ZPBP: variants seen among roughly 807,000 people sequenced by gnomAD.
ZPBP encodes zona pellucida binding protein, also known as zona pellucida-binding protein 1.
ZPBP carries 26 observed loss-of-function variants against 44.8 expected under a neutral mutation model. The observed-to-expected ratio is 0.58, with a 90% CI of 0.43 to 0.81. ZPBP has a LOEUF of 0.81. ZPBP is among the 30% of genes least tolerant of loss of function. The pLI is 0.00. For synonymous variants in ZPBP, 174 were observed against 153.2 expected (o/e 1.14, Z -1.00); for missense variants, 409 against 434.0 (o/e 0.94, Z 0.51).
At position 49,900,911 on chromosome 7, in the gene ZPBP, T is replaced by C. The variant is rs151120573; in HGVS notation, n.509+207A>G. On this transcript the variant is annotated intron_variant and non_coding_transcript_variant, in intron 2 of 2. Coordinates refer to the ZPBP transcript ENST00000465922. ...AACCATGTGTAAGAATAATTATACA[T>C]CACAACTACATGGGATTTATCCCAG... Among the ~76,000 whole-genome samples the C allele has an allele frequency of 1.7e-3, 265 of 151,938 alleles. 3 individuals carry two copies. The highest frequency in any genetic ancestry group is 6.0e-3 in the African/African-American group (249 of 41,534).
chr7:49,896,064 G>A (rs577394700), intron 2 of ZPBP, among the ~76,000 whole-genome samples: 8 of 152,274 alleles, frequency 5.3e-5, no homozygotes, highest in East Asian at 3.9e-4. Flanking sequence ...GTACAGGTCC[G>A]GTGTGGTGGC....
chr7:49,981,581 T>C (rs1396807536), intron 7 of ZPBP, among the ~76,000 whole-genome samples: 3 of 66,294 alleles, frequency 4.5e-5, no homozygotes, highest in African/African-American at 5.6e-5. Flanking sequence ...TTATATAAAT[T>C]ATATATTATA....
chr7:49,917,425 C>T (rs1793782592), intron 1 of ZPBP: 1 of 152,170 alleles, frequency 6.6e-6, no homozygotes. Context: ...TGAAAATGTG[C>T]TCTCAGTGCT....
intron 2 of ZPBP, among the ~76,000 whole-genome samples, chr7:49,898,220 TAC>T (rs750250671): frequency 4.4e-4 from 67 of 152,092 alleles, no homozygotes; most frequent in African/African-American, 5.8e-4. Flanking sequence ...TATATGTATA[TAC>T]ACACACACAA....
intron 1 of ZPBP, chr7:49,921,430 G>A (rs1424344921): frequency 6.6e-6 from 1 of 152,142 alleles, no homozygotes; most frequent in Non-Finnish European, 1.5e-5. Flanking sequence ...TTGCTTTAAT[G>A]TAACTTGGCA....
rs1211529626 is a variant in ZPBP, at chr7:49,940,732, TC to T, written c.962-3111del. 5 of 984,698 alleles carry T rather than the reference TC, an allele frequency of 5.1e-6. No homozygotes were observed. In the African/African-American group the frequency reaches 8.8e-5, roughly 17 times the overall value. The allele number at this position is 984,698 out of a possible 1,614,324, so 61.0% of individuals were successfully genotyped here. A position where few individuals can be genotyped will look rare whatever the true frequency, so the allele number is the denominator to read the frequency against. Reference sequence around the variant, plus strand: ...TTTACTCACCACTGTCCCACCTCCTTCCCCATGCAGCTCTGGAAGATTCCAT... The same window carrying T: ...TTTACTCACCACTGTCCCACCTCCTTCCCATGCAGCTCTGGAAGATTCCAT... On this transcript the variant is annotated intron_variant, in intron 7 of 7. Coordinates refer to ENST00000046087, the MANE Select transcript of ZPBP (RefSeq NM_007009.3).
intron 7 of ZPBP, among the ~76,000 whole-genome samples, chr7:49,958,318 TATGTGAGAAAAAC>T (rs1795699646): frequency 6.6e-6 from 1 of 152,204 alleles, no homozygotes; most frequent in Non-Finnish European, 1.5e-5. Flanking sequence ...CTGTATGTTA[TATGTGAGAAAAAC>T]ATGAATTTTT....
chr7:49,960,615 T>C (rs1353454179), intron 7 of ZPBP, among the ~76,000 whole-genome samples: 4 of 152,154 alleles, frequency 2.6e-5, no homozygotes. Flanking sequence ...AAAGGACTTT[T>C]GTCCATACTA....
chr7:49,988,917 A>G (rs1797439223), intron 6 of ZPBP, among the ~76,000 whole-genome samples: 1 of 152,212 alleles, frequency 6.6e-6, no homozygotes, highest in Admixed American at 6.5e-5. Flanking sequence ...TGTTTTTCAG[A>G]GTCAAGGAAG....
At chr7:50,077,991 C>T (rs1802182605) in intron 3 of ZPBP, among the ~76,000 whole-genome samples, 1 of 151,674 alleles carries the variant, frequency 6.6e-6, no homozygotes, top group African/African-American at 2.4e-5. Flanking sequence ...AAGCAAACTA[C>T]ATGTCCATCA....
intron 6 of ZPBP, among the ~76,000 whole-genome samples, chr7:50,012,940 G>C (rs1323301348): frequency 1.3e-5 from 2 of 151,766 alleles, no homozygotes; most frequent in Non-Finnish European, 2.9e-5. Context: ...ATTTAGCAAG[G>C]TGGCATGATA....
chr7:49,916,424 GTT>G (rs953957643), intron 1 of ZPBP: 6 of 152,178 alleles, frequency 3.9e-5, no homozygotes, highest in Non-Finnish European at 8.8e-5. Flanking sequence ...TCAATGTCCA[GTT>G]CAAGTGCCAT....
At chr7:50,007,821 C>T (rs62447760) in intron 6 of ZPBP, among the ~76,000 whole-genome samples, 28,273 of 151,794 alleles carry the variant, frequency 0.19, 3,683 homozygotes, top group East Asian at 0.62. Context: ...AATTAATGCA[C>T]TTTCATAATA....
intron 2 of ZPBP, among the ~76,000 whole-genome samples, chr7:49,850,887 C>A (rs151213132): frequency 1.3e-5 from 2 of 152,314 alleles, no homozygotes; most frequent in East Asian, 3.9e-4. Context: ...AGGATGACTC[C>A]CTGTGGAGAA....
At chr7:49,981,683 A>ATATTAT (rs1431669487) in intron 7 of ZPBP, among the ~76,000 whole-genome samples, 7,818 of 40,992 alleles carry the variant, frequency 0.19, 2,291 homozygotes, top group East Asian at 0.47. Flanking sequence ...TATTATATAT[A>ATATTAT]ATAATATATA....
chr7:49,872,473 G>GA (rs1445983809), intron 2 of ZPBP, among the ~76,000 whole-genome samples: 3 of 151,550 alleles, frequency 2.0e-5, no homozygotes, highest in Admixed American at 1.3e-4. Flanking sequence ...TAAGTGTAGG[G>GA]AAAAAAAGTA....
intron 6 of ZPBP, among the ~76,000 whole-genome samples, chr7:49,997,626 G>C (rs1797906923): frequency 6.6e-6 from 1 of 152,108 alleles, no homozygotes; most frequent in African/African-American, 2.4e-5. Context: ...CTGCTTCGGG[G>C]GAAGCCATTA....
At chr7:49,981,499 T>G (rs1183266308) in intron 7 of ZPBP, among the ~76,000 whole-genome samples, 4 of 68,348 alleles carry the variant, frequency 5.9e-5, no homozygotes, top group African/African-American at 2.1e-4. Context: ...ATATATAATA[T>G]AAATTATATA....
At chr7:49,867,102 G>T (rs1351726218) in intron 2 of ZPBP, among the ~76,000 whole-genome samples, 2 of 152,140 alleles carry the variant, frequency 1.3e-5, no homozygotes, top group East Asian at 3.9e-4. Flanking sequence ...ATGTCTCCCT[G>T]GGGGTCCTGC....
Sources: gnomAD v4.1 joint callset for allele counts (sites outside exome capture counted in the v4.1 genomes callset) on GRCh38, gnomAD v4.1.1 for gene constraint, MANE v1.5 for transcripts, NCBI Gene and HGNC (gene_info 2026-07-23, HGNC 2026-07-21) for gene names.